Variants in CASZ1 observed in about 807,000 individuals in gnomAD.
CASZ1 encodes the protein zinc finger protein castor homolog 1.
Under a neutral mutation model 135.2 loss-of-function variants are expected in CASZ1, and 28 were observed. The observed-to-expected ratio is 0.21, with a 90% CI of 0.15 to 0.28. The LOEUF is 0.28. Ranked by LOEUF, CASZ1 falls within the 10% of genes least tolerant of loss-of-function variation. The probability of loss-of-function intolerance (pLI) is 1.00; values close to 1 mark genes in which losing one functional copy is unlikely to be tolerated. For synonymous variants in CASZ1, 1,068 were observed against 1,073.4 expected, an observed-to-expected ratio of 0.99 and a Z score of 0.10; for missense variants, 2,161 against 2,453.3, an observed-to-expected ratio of 0.88 and a Z score of 2.52.
chr1:10,780,014 G>A (rs1173117521), intron 1 of CASZ1, among the ~76,000 whole-genome samples: 2 of 152,162 alleles, frequency 1.3e-5, no homozygotes, highest in Non-Finnish European at 2.9e-5. Context: ...CCTGAGCTGG[G>A]CCAGGAGTGC....
In CASZ1 at chr1:10,659,864, G is replaced by C. The variant is rs1203280772; in HGVS notation, c.1178C>G (p.Pro393Arg). 4 of 1,611,648 alleles carry C rather than the reference G, an allele frequency of 2.5e-6. No homozygotes were observed. Among genetic ancestry groups the C allele is most frequent in the Non-Finnish European group, 3.4e-6 (4 of 1,179,022 alleles). ...KPGPAKVPPTPSLAPAPLASV... is the reference protein window; with the variant it reads ...KPGPAKVPPTRSLAPAPLASV... ...GGCGAGGGGTGCGGGAGCCAGGCTG[G>C]GGGTGGGCGGAACCTTGGCGGGGCC... Residue 393 changes from proline to arginine, a missense_variant, in exon 6 of 21, where the codon CCC becomes CGC. Around this residue, in one of 7 missense-constraint regions of CASZ1, gnomAD observed 590 missense variants for 609.8 expected, o/e 0.97. Coordinates refer to ENST00000377022, the MANE Select transcript of CASZ1 (RefSeq NM_001079843.3).
chr1:10,650,405 G>A, intron 13 of CASZ1: 1 of 267,200 alleles, frequency 3.7e-6, no homozygotes, highest in East Asian at 6.8e-5. Flanking sequence ...TAATAACGAG[G>A]CACGAACGAA....
Position 10,747,359 on chromosome 1 carries a change from T to C in CASZ1, c.-77+13342A>G, listed in dbSNP as rs1302984729. The stretch of plus-strand genomic sequence containing the variant: ...ACCAAATCCCATGGGCAGGGATTCT[T>C]ACCAAGTGCTAAGTCTAGCACCTGC... On this transcript the variant is annotated intron_variant, in intron 2 of 20. Transcript: ENST00000377022. This position sits in a 1 kb window ranked among gnomAD's most constrained non-coding sequence, Gnocchi z 4.3. Among the ~76,000 whole-genome samples, 1 of 152,168 alleles carries C rather than the reference T, an allele frequency of 6.6e-6. No homozygotes were observed. The highest frequency in any genetic ancestry group is 1.5e-5 in the Non-Finnish European group (1 of 68,016).
chr1:10,681,225 T>G (rs1638410519), intron 4 of CASZ1, among the ~76,000 whole-genome samples: 1 of 152,032 alleles, frequency 6.6e-6, no homozygotes, highest in Admixed American at 6.6e-5. Context: ...CTTGAAGTCT[T>G]TTATCCATTA....
At chr1:10,695,310 G>A (rs1357163646) in intron 3 of CASZ1, among the ~76,000 whole-genome samples, 1 of 152,064 alleles carries the variant, frequency 6.6e-6, no homozygotes. Context: ...CCCTTAAAAC[G>A]GGTCCAAGTG....
intron 2 of CASZ1, among the ~76,000 whole-genome samples, chr1:10,738,138 C>A (rs1014020824): frequency 4.6e-5 from 7 of 152,168 alleles, no homozygotes; most frequent in African/African-American, 1.7e-4. Context: ...CTAATGAGTT[C>A]TATGAAGGCA....
intron 4 of CASZ1, among the ~76,000 whole-genome samples, chr1:10,668,191 G>C (rs150009578): frequency 2.2e-4 from 33 of 152,232 alleles, no homozygotes; most frequent in African/African-American, 7.5e-4. Context: ...TGGAGCTGAG[G>C]TCTAAGCTTT....
In CASZ1 at chr1:10,721,783, C is replaced by G. The variant is rs549956980; in HGVS notation, c.-76-16239G>C. 7.0e-4 allele frequency among the ~76,000 whole-genome samples: 106 copies of G among 152,370 alleles called. No individual in the cohort carries two copies. Among genetic ancestry groups the G allele is most frequent in the Non-Finnish European group, 1.4e-3 (94 of 68,034 alleles). On this transcript the variant is annotated intron_variant, in intron 2 of 20. Coordinates refer to ENST00000377022, the MANE Select transcript of CASZ1 (RefSeq NM_001079843.3). The surrounding 1 kb of genome is among the most constrained non-coding windows in gnomAD (Gnocchi z 5.4). ...TGGGGAGGCCTCAGGCAGCTTCAGC[C>G]CAGCAAGTCTCTGGGTCGTGGTGGA...
intron 1 of CASZ1, among the ~76,000 whole-genome samples, chr1:10,765,903 C>T (rs1191903880): frequency 1.3e-5 from 2 of 152,214 alleles, no homozygotes; most frequent in Admixed American, 1.3e-4. Flanking sequence ...ACCCCTCCCC[C>T]ACTTTAATTG....
chr1:10,639,911 G>A lies in CASZ1; in HGVS notation c.4311C>T (p.Phe1437=), dbSNP rs544322406. 2.9e-5 allele frequency: 46 copies of A among 1,612,806 alleles called. No individual in the cohort carries two copies. The South Asian group carries it at 4.0e-4, about 14-fold the overall frequency. ...EGMMLEGFRR[F]DLYEDCKDAA... ...CGTCCTTGCAGTCCTCGTAAAGGTC[G>A]AAGCGCCGGAAGCCCTCCAGCATCA... Residue 1437 remains phenylalanine (F), a synonymous_variant, in exon 21 of 21, where the codon TTC becomes TTT. Transcript: ENST00000377022. The surrounding 1 kb of genome is among the most constrained non-coding windows in gnomAD (Gnocchi z 4.0).
intron 3 of CASZ1, among the ~76,000 whole-genome samples, chr1:10,695,572 T>TC (rs1638912759): frequency 2.2e-4 from 4 of 17,890 alleles, no homozygotes; most frequent in Non-Finnish European, 4.6e-4. Flanking sequence ...CCTCCTCCCC[T>TC]CCCCGCCACC....
rs527948337 is a variant in CASZ1 at position 10,767,414 on chromosome 1, G to C, written c.-233-6557C>G. Among the ~76,000 whole-genome samples the C allele has an allele frequency of 6.6e-6, 1 of 152,216 alleles. No homozygotes were observed. The highest frequency in any genetic ancestry group is 6.5e-5 in the Admixed American group (1 of 15,284). The stretch of plus-strand genomic sequence containing the variant: ...AGCCCTGTAAACAACCTGATTTTCC[G>C]CCTTCCCAGATCCTAGGCAGATCCC... On this transcript the variant is annotated intron_variant, in intron 1 of 20. Coordinates refer to ENST00000377022, the MANE Select transcript of CASZ1 (RefSeq NM_001079843.3). This position sits in a 1 kb window ranked among gnomAD's most constrained non-coding sequence, Gnocchi z 4.2.
rs370319558 is a variant in CASZ1 at position 10,660,428 on chromosome 1, C to T, written c.614G>A (p.Ser205Asn). 1 of 1,614,190 alleles carries T rather than the reference C, an allele frequency of 6.2e-7. No homozygotes were observed. The highest frequency in any genetic ancestry group is 8.5e-7 in the Non-Finnish European group (1 of 1,180,018). ...NTRDELARKI[S>N]FEKLHAGSTP... ...GGAGCCCGCGTGCAGCTTCTCAAAG[C>T]TGATCTTCCTGGCCAGCTCGTCCCG... Residue 205 changes from serine to asparagine, a missense_variant, in exon 6 of 21, where the codon AGC (serine) becomes AAC (asparagine). Around this residue, in one of 7 missense-constraint regions of CASZ1, gnomAD observed 590 missense variants for 609.8 expected, o/e 0.97. Transcript: ENST00000377022.
chr1:10,693,105 G>A (rs1638818801), intron 4 of CASZ1, among the ~76,000 whole-genome samples: 1 of 152,156 alleles, frequency 6.6e-6, no homozygotes, highest in African/African-American at 2.4e-5. Flanking sequence ...GTGAGCACCA[G>A]GCCTCCTGGA....
chr1:10,650,568 A>T (rs1320065193), intron 13 of CASZ1, 124 bp downstream of exon 13: 2 of 752,364 alleles, frequency 2.7e-6, no homozygotes, highest in East Asian at 5.1e-5. Flanking sequence ...CTCAAAATTT[A>T]AATGGTACAA....
chr1:10,643,019 C>T lies in CASZ1; in HGVS notation c.4021-19G>A, dbSNP rs1276754166. ...GGGGGCCCTGAAAGGACACGGGGGTCCCTGAGGAAGTGGGGCTGTGGGGTA... is the reference window on the plus strand; with the variant it reads ...GGGGGCCCTGAAAGGACACGGGGGTTCCTGAGGAAGTGGGGCTGTGGGGTA... On this transcript the variant is annotated intron_variant, in intron 19 of 20. Transcript: ENST00000377022. The T allele has an allele frequency of 7.5e-6, 12 of 1,609,618 alleles. No homozygotes were observed. Among genetic ancestry groups the T allele is most frequent in the Non-Finnish European group, 9.3e-6 (11 of 1,177,600 alleles).
chr1:10,703,624 T>G (rs1639108988), intron 3 of CASZ1, among the ~76,000 whole-genome samples: 1 of 152,134 alleles, frequency 6.6e-6, no homozygotes, highest in East Asian at 1.9e-4. Context: ...GGCTTTTTTT[T>G]TCAAGGTGCT....
At chr1:10,659,022 C>T (rs567267017) in intron 6 of CASZ1, among the ~76,000 whole-genome samples, 1 of 152,296 alleles carries the variant, frequency 6.6e-6, no homozygotes, top group Admixed American at 6.5e-5. Context: ...GTCCGGGAGC[C>T]CCCCCAGGGT....
Position 10,719,342 on chromosome 1 carries a change from T to G in CASZ1, c.-76-13798A>C, listed in dbSNP as rs1002458988. On this transcript the variant is annotated intron_variant, in intron 2 of 20. Coordinates refer to ENST00000377022, the MANE Select transcript of CASZ1 (RefSeq NM_001079843.3). This position sits in a 1 kb window ranked among gnomAD's most constrained non-coding sequence, Gnocchi z 4.0. ...TTTGAATCAAAAGCCCTCATTCTTT[T>G]GACCGTACCCCACTGCCTTCCCTTT... Among the ~76,000 whole-genome samples, 2 of 152,218 alleles carry G rather than the reference T, an allele frequency of 1.3e-5. No homozygotes were observed. Among genetic ancestry groups the G allele is most frequent in the Non-Finnish European group, 2.9e-5 (2 of 68,042 alleles).
Sources: allele counts gnomAD v4.1 joint callset (sites outside exome capture counted in the v4.1 genomes callset), GRCh38; gene constraint gnomAD v4.1.1; regional missense constraint gnomAD v4.1.1; non-coding constraint Gnocchi (gnomAD v3.1); transcripts MANE v1.5; gene names NCBI Gene and HGNC (gene_info 2026-07-23, HGNC 2026-07-21).